The following NPIPB8 variants were observed in gnomAD, a reference collection of about 807,000 sequenced individuals.
The protein encoded by NPIPB8 is nuclear pore complex interacting protein family member B8, also known as nuclear pore complex-interacting protein family member B8.
NPIPB8 carries 3 observed loss-of-function variants against 5.3 expected under a neutral mutation model. That is an observed-to-expected ratio of 0.57 (90% CI 0.26 to 1.47). The LOEUF (loss-of-function observed/expected upper bound fraction) is 1.47, where lower values mean the gene tolerates loss of function less well. NPIPB8 is among the 40% of genes most tolerant of loss of function. The pLI, the probability that NPIPB8 is intolerant of heterozygous loss-of-function variation, is 0.13. For missense variants in NPIPB8, 50 were observed against 50.2 expected (o/e 1.00, Z 0.01); for synonymous variants, 18 against 23.0 (o/e 0.78, Z 0.62).
intron 3 of NPIPB8, among the ~76,000 whole-genome samples, chr16:28,650,980 A>T (rs2048031491): frequency 1.8e-5 from 2 of 111,530 alleles, no homozygotes; most frequent in South Asian, 5.5e-4. Flanking sequence ...AAGTATATTC[A>T]TGTCATTTTT....
rs1441133615 is a variant in NPIPB8, at chr16:28,649,525, CT to C, written c.303+1224del. The stretch of plus-strand genomic sequence containing the variant: ...AATTTTTGGTATAAATTGGAGGAAG[CT>C]TTTTTTTTTTTTTTTCCTTTTCTCA... On this transcript the variant is annotated intron_variant, in intron 3 of 7. Transcript: ENST00000683297. 1.8e-3 allele frequency among the ~76,000 whole-genome samples: 115 copies of C among 65,226 alleles called. 3 individuals carry two copies. The highest frequency in any genetic ancestry group is 0.011 in the Middle Eastern group (2 of 182). 42.8% of individuals were successfully genotyped at this position (65,226 alleles called of 152,430 possible). A position where few individuals can be genotyped will look rare whatever the true frequency, so the allele number is the denominator to read the frequency against.
At chr16:28,644,240 C>A (rs1398768932) in intron 2 of NPIPB8, among the ~76,000 whole-genome samples, 1 of 94,730 alleles carries the variant, frequency 1.1e-5, no homozygotes, top group African/African-American at 6.1e-5. Flanking sequence ...GCTCCCTTGT[C>A]CCGCGTGTCC....
chr16:28,638,396 C>A lies in NPIPB8; in HGVS notation c.36C>A (p.Phe12Leu), dbSNP rs762487571. ...VKLSIVLTPQFLSHDQGQLTK... is the reference protein window; with the variant it reads ...VKLSIVLTPQLLSHDQGQLTK... ...TCTCTATTGTCCTGACCCCACAGTT[C>A]CTGTCCCATGACCAGGGCCAGCTCA... Residue 12 changes from phenylalanine to leucine, a missense_variant, in exon 2 of 8, where the codon TTC becomes TTA. By Grantham distance (22) the Phe-to-Leu change is conservative (BLOSUM62 0). Coordinates refer to ENST00000683297, the MANE Select transcript of NPIPB8 (RefSeq NM_001310136.2). 3.2e-6 allele frequency: 5 copies of A among 1,571,190 alleles called. No individual in the cohort carries two copies. In the Admixed American group the frequency reaches 9.0e-5, roughly 28 times the overall value.
At chr16:28,641,135 C>T (rs1476906200) in intron 2 of NPIPB8, among the ~76,000 whole-genome samples, 1 of 151,960 alleles carries the variant, frequency 6.6e-6, no homozygotes, top group Non-Finnish European at 1.5e-5. Context: ...CTGATTCTTC[C>T]TCTTTGTTCC....
intron 2 of NPIPB8, among the ~76,000 whole-genome samples, chr16:28,640,125 G>A (rs964843836): frequency 2.6e-5 from 4 of 151,822 alleles, no homozygotes; most frequent in Non-Finnish European, 5.9e-5. Context: ...AGGCAGAGCT[G>A]GAACTGAAAC....
At chr16:28,651,008 C>A (rs1266193418) in intron 3 of NPIPB8, among the ~76,000 whole-genome samples, 2 of 105,652 alleles carry the variant, frequency 1.9e-5, no homozygotes, top group Non-Finnish European at 3.5e-5. Flanking sequence ...TTTTTTGAGA[C>A]GGAGTCTCAC....
At chr16:28,638,241 T>A in intron 1 of NPIPB8, 82 bp from the exon 2 acceptor site, 9 of 1,502,784 alleles carry the variant, frequency 6.0e-6, no homozygotes, top group Non-Finnish European at 7.0e-6. Flanking sequence ...CTGAAGCCCC[T>A]ATGCTCTTGA....
chr16:28,642,008 T>C (rs553647596), intron 2 of NPIPB8, among the ~76,000 whole-genome samples: 114 of 150,618 alleles, frequency 7.6e-4, no homozygotes, highest in African/African-American at 2.8e-3. Flanking sequence ...TCATGGACAT[T>C]ATAGTACTCT....
intron 5 of NPIPB8, among the ~76,000 whole-genome samples, chr16:28,652,608 C>CT (rs1244712450): frequency 1.3e-3 from 100 of 74,428 alleles, no homozygotes; most frequent in Middle Eastern, 5.1e-3. Context: ...TCCTTTCTCT[C>CT]TTTTTTTTTT....
At chr16:28,640,218 C>G (rs1180032290) in intron 2 of NPIPB8, among the ~76,000 whole-genome samples, 1 of 151,888 alleles carries the variant, frequency 6.6e-6, no homozygotes, top group Non-Finnish European at 1.5e-5. Flanking sequence ...TGCATGCCTG[C>G]TAGGATGGGC....
chr16:28,638,932 G>A (rs1242464700), intron 2 of NPIPB8, among the ~76,000 whole-genome samples: 3 of 149,816 alleles, frequency 2.0e-5, no homozygotes, highest in Non-Finnish European at 4.4e-5. Flanking sequence ...AGCCGGGCAT[G>A]GTGGTGTGAG....
chr16:28,654,551 T>TACCCTTTTTA (rs2048094097), intron 5 of NPIPB8: 2 of 240,480 alleles, frequency 8.3e-6, no homozygotes, highest in African/African-American at 5.6e-5. Context: ...ACAGCAAACT[T>TACCCTTTTTA]ACCCTTTTTA....
At chr16:28,640,478 G>A (rs765626429) in intron 2 of NPIPB8, among the ~76,000 whole-genome samples, 78 of 151,964 alleles carry the variant, frequency 5.1e-4, no homozygotes, top group East Asian at 9.6e-4. Flanking sequence ...GAGGTGACAC[G>A]CTTCACTTCC....
chr16:28,638,509 G>A, intron 2 of NPIPB8, 29 bp downstream of exon 2: 1 of 1,536,780 alleles, frequency 6.5e-7, no homozygotes, highest in Non-Finnish European at 8.8e-7. Flanking sequence ...GATGGGGCCT[G>A]GTGCCCTTGA....
intron 2 of NPIPB8, among the ~76,000 whole-genome samples, chr16:28,644,337 A>G (rs1596680292): frequency 9.0e-6 from 1 of 111,316 alleles, no homozygotes; most frequent in Non-Finnish European, 1.8e-5. Context: ...CCTTTCCCAG[A>G]CCCCTTTCTT....
chr16:28,638,516 T>C (rs778523818), intron 2 of NPIPB8, 36 bp downstream of exon 2: 1 of 1,524,436 alleles, frequency 6.6e-7, no homozygotes, highest in Non-Finnish European at 8.8e-7. Context: ...CCTGGTGCCC[T>C]TGAGCAGTTC....
intron 2 of NPIPB8, among the ~76,000 whole-genome samples, chr16:28,639,479 C>CA (rs2047855415): frequency 8.9e-6 from 1 of 112,696 alleles, no homozygotes; most frequent in Non-Finnish European, 1.7e-5. Context: ...TTTTTTGAGA[C>CA]AGAGTTTCAC....
chr16:28,657,378 T>C lies in NPIPB8; in HGVS notation c.697-650T>C. The C allele has an allele frequency of 2.1e-5, 13 of 617,924 alleles. 3 individuals are homozygous for C. The highest frequency in any genetic ancestry group is 2.4e-5 in the Non-Finnish European group (13 of 549,350). 38.3% of individuals were successfully genotyped at this position (617,924 alleles called of 1,614,324 possible). ...GTCAAGAAGGGAAACAGAGGGGAAA[T>C]GAGAGGGTCCTGCAGGCAGAGCTGG... is the stretch of plus-strand genomic sequence containing the variant. On this transcript the variant is annotated intron_variant, in intron 7 of 7. Coordinates refer to ENST00000683297, the MANE Select transcript of NPIPB8 (RefSeq NM_001310136.2).
At chr16:28,657,290 T>G in intron 7 of NPIPB8, 1 of 275,968 alleles carries the variant, frequency 3.6e-6, no homozygotes, top group South Asian at 1.4e-4. Flanking sequence ...TCTTCAGGAA[T>G]CCACATCTCT....
Sources: allele counts gnomAD v4.1 joint callset (sites outside exome capture counted in the v4.1 genomes callset), GRCh38; gene constraint gnomAD v4.1.1; transcripts MANE v1.5; gene names NCBI Gene and HGNC (gene_info 2026-07-23, HGNC 2026-07-21).